DRC9: variants seen among roughly 807,000 people sequenced by gnomAD.
The protein encoded by DRC9 is dynein regulatory complex protein 9.
At chr3:197,932,957 T>TTATTATATATTA in the DRC9 span, among the ~76,000 whole-genome samples, 18,917 of 135,298 alleles carry the variant, frequency 0.14, 2,278 homozygotes, top group African/African-American at 0.33. Context: ...ATATTATATA[T>TTATTATATATTA]TATTATATAT....
At chr3:197,943,542 G>A in the DRC9 span, among the ~76,000 whole-genome samples, 2 of 151,934 alleles carry the variant, frequency 1.3e-5, no homozygotes, top group South Asian at 4.2e-4. Context: ...AGGAGGCTGA[G>A]GTGGGAGGAT....
chr3:197,941,395 CT>C, the DRC9 span, among the ~76,000 whole-genome samples: 1 of 58,650 alleles, frequency 1.7e-5, no homozygotes, highest in Non-Finnish European at 3.4e-5. Flanking sequence ...TCCCTTCCCC[CT>C]CCCTCCTCTC....
the DRC9 span, chr3:197,950,324 C>T: frequency 1.6e-6 from 2 of 1,228,232 alleles, no homozygotes; most frequent in East Asian, 6.4e-5. Flanking sequence ...CTCTGCCAGC[C>T]ATTGATTTCT....
chr3:197,913,921 T>A, the DRC9 span: 1 of 1,614,154 alleles, frequency 6.2e-7, no homozygotes, highest in Non-Finnish European at 8.5e-7. Flanking sequence ...TCTGTTACAC[T>A]TTTTCTGGGT....
the DRC9 span, among the ~76,000 whole-genome samples, chr3:197,925,692 T>C: frequency 6.6e-6 from 1 of 151,018 alleles, no homozygotes; most frequent in Non-Finnish European, 1.5e-5. Context: ...CAAGTGAGTC[T>C]CCTGCCTCAG....
At chr3:197,944,458 A>ATTTTT in the DRC9 span, among the ~76,000 whole-genome samples, 15 of 143,804 alleles carry the variant, frequency 1.0e-4, no homozygotes, top group South Asian at 2.2e-4. Flanking sequence ...ATTTTATTTT[A>ATTTTT]TTTTTTTTGA....
chr3:197,926,041 A>G, the DRC9 span: 1 of 1,584,068 alleles, frequency 6.3e-7, no homozygotes, highest in East Asian at 2.2e-5. Flanking sequence ...TCAAATTGCC[A>G]TTCCTTTTTG....
chr3:197,943,717 C>A, the DRC9 span: 1 of 1,370,178 alleles, frequency 7.3e-7, no homozygotes. Flanking sequence ...GGGATAGGTA[C>A]TATAAATGAG....
chr3:197,951,138 TGTG>T, the DRC9 span: 1 of 1,613,918 alleles, frequency 6.2e-7, no homozygotes, highest in African/African-American at 1.3e-5. Context: ...TGTTTCATGT[TGTG>T]TATCTTTTGT....
At chr3:197,893,761 T>G in the DRC9 span, among the ~76,000 whole-genome samples, 3 of 150,206 alleles carry the variant, frequency 2.0e-5, no homozygotes, top group Admixed American at 1.3e-4. Flanking sequence ...GGCAGGAGAA[T>G]CTCTTGAACC....
At chr3:197,938,879 T>G in the DRC9 span, 1 of 854,722 alleles carries the variant, frequency 1.2e-6, no homozygotes, top group South Asian at 1.6e-5. Flanking sequence ...CTTCTCTGAC[T>G]TCTACTCTAT....
chr3:197,931,719 G>T, the DRC9 span, among the ~76,000 whole-genome samples: 1 of 151,948 alleles, frequency 6.6e-6, no homozygotes, highest in South Asian at 2.1e-4. Context: ...CTGCCTCCCG[G>T]GTTCAGGCCA....
chr3:197,953,690 T>C, the DRC9 span: 1 of 440,920 alleles, frequency 2.3e-6, no homozygotes, highest in African/African-American at 2.0e-5. Context: ...CACACAAATA[T>C]CCTCACACTT....
the DRC9 span, chr3:197,951,534 G>A: frequency 3.8e-6 from 2 of 519,870 alleles, no homozygotes; most frequent in Non-Finnish European, 6.9e-6. Flanking sequence ...TGTATTATTA[G>A]TAGAGACAGG....
chr3:197,920,418 C>A, the DRC9 span, among the ~76,000 whole-genome samples: 30 of 142,456 alleles, frequency 2.1e-4, no homozygotes, highest in Middle Eastern at 3.6e-3. Flanking sequence ...AGAACCCCCC[C>A]ATCTCAATTA....
the DRC9 span, among the ~76,000 whole-genome samples, chr3:197,896,406 C>A: frequency 6.6e-6 from 1 of 151,596 alleles, no homozygotes; most frequent in African/African-American, 2.4e-5. Flanking sequence ...GAATGGCATG[C>A]AAATAACTAG....
the DRC9 span, among the ~76,000 whole-genome samples, chr3:197,922,558 T>C: frequency 1.3e-5 from 2 of 151,832 alleles, no homozygotes; most frequent in Non-Finnish European, 2.9e-5. Flanking sequence ...ACACATAAAT[T>C]AGCCAGGTGT....
chr3:197,937,244 T>A, the DRC9 span, among the ~76,000 whole-genome samples: 1 of 152,160 alleles, frequency 6.6e-6, no homozygotes, highest in Non-Finnish European at 1.5e-5. Context: ...TCGAGCCAGC[T>A]GACAACAAAA....
chr3:197,925,891 CA>C, the DRC9 span: 1 of 673,994 alleles, frequency 1.5e-6, no homozygotes, highest in Non-Finnish European at 2.7e-6. Context: ...GCTATGTTTT[CA>C]ATAGTAAAGG....
Sources: allele counts gnomAD v4.1 joint callset (sites outside exome capture counted in the v4.1 genomes callset), GRCh38; gene constraint gnomAD v4.1.1; transcripts MANE v1.5; gene names NCBI Gene and HGNC (gene_info 2026-07-23, HGNC 2026-07-21).